Variants in FHIP2A observed in about 807,000 individuals in gnomAD.
FHIP2A encodes family with sequence similarity 160 member B1.
Under a neutral mutation model 93.5 loss-of-function variants are expected in FHIP2A, and 46 were observed. The observed-to-expected ratio is 0.49, with a 90% CI of 0.39 to 0.63. FHIP2A has a LOEUF of 0.63. FHIP2A is among the 20% of genes least tolerant of loss of function. The probability of loss-of-function intolerance (pLI) is 0.00; values close to 1 mark genes in which losing one functional copy is unlikely to be tolerated. For synonymous variants in FHIP2A, 332 were observed against 326.5 expected (o/e 1.02, Z -0.18); for missense variants, 769 against 909.7 (o/e 0.85, Z 1.99).
intron 16 of FHIP2A, among the ~76,000 whole-genome samples, chr10:114,871,338 C>T (rs986090402): frequency 6.6e-6 from 1 of 151,940 alleles, no homozygotes; most frequent in Non-Finnish European, 1.5e-5. Flanking sequence ...TTCTTTAAAT[C>T]CTCCTAGAAC....
At chr10:114,856,532 A>G (rs1194839198) in intron 14 of FHIP2A, among the ~76,000 whole-genome samples, 1 of 152,222 alleles carries the variant, frequency 6.6e-6, no homozygotes, top group Non-Finnish European at 1.5e-5. Context: ...TTGTTGCTTG[A>G]TTAAGCTAAC....
intron 1 of FHIP2A, among the ~76,000 whole-genome samples, chr10:114,823,313 T>G (rs970045678): frequency 6.6e-6 from 1 of 152,174 alleles, no homozygotes; most frequent in African/African-American, 2.4e-5. Context: ...AAACAGGGTT[T>G]CATAAATGTA....
Position 114,861,313 on chromosome 10 carries a change from G to A in FHIP2A, c.2171G>A (p.Gly724Asp), listed in dbSNP as rs775379238. Residue 724 changes from glycine to aspartate, a missense_variant, in exon 16 of 17, where the codon GGT becomes GAT. Physicochemically the swap from Gly to Asp is moderately conservative, Grantham distance 94. Transcript: ENST00000369248. ...KLLLVRKRLL[G>D]LEPEGPIIDH... is the part of the protein sequence containing the mutation. ...CTGTTAGTCAGAAAGCGGTTACTTG[G>A]TTTGGAACCTGAAGGCCCTATGTAA... 2 of 1,614,172 alleles carry A rather than the reference G, an allele frequency of 1.2e-6. No individual in the cohort carries two copies. The highest frequency in any genetic ancestry group is 2.2e-5 in the South Asian group (2 of 91,086).
chr10:114,855,060 C>T (rs2286633), intron 13 of FHIP2A, 137 bp from the exon 14 acceptor site: 29,898 of 794,418 alleles, frequency 0.038, 1,740 homozygotes, highest in African/African-American at 0.2. Context: ...ATCTCTTCCC[C>T]CTCTCCCTTG....
In FHIP2A at chr10:114,836,247, G is replaced by A; in HGVS notation, c.522+1G>A. On this transcript the variant is annotated splice_donor_variant, in intron 5 of 16. Transcript: ENST00000369248. LOFTEE classifies it high-confidence loss of function. The stretch of plus-strand genomic sequence containing the variant: ...CTACCTGGTTAACTTTTTCCTAGAG[G>A]TATGATACACTTTTTATCAACTTTC... The A allele has an allele frequency of 6.3e-7, 1 of 1,577,876 alleles. No individual in the cohort carries two copies. The highest frequency in any genetic ancestry group is 2.3e-5 in the East Asian group (1 of 44,442).
At chr10:114,848,505 C>A in intron 12 of FHIP2A, 142 bp from the exon 13 acceptor site, 1 of 579,390 alleles carries the variant, frequency 1.7e-6, no homozygotes, top group Non-Finnish European at 3.1e-6. Flanking sequence ...GCTGAACTTA[C>A]GATATCACTA....
intron 1 of FHIP2A, among the ~76,000 whole-genome samples, chr10:114,825,048 G>T (rs1444601583): frequency 6.6e-6 from 1 of 152,026 alleles, no homozygotes; most frequent in African/African-American, 2.4e-5. Flanking sequence ...TCGAGACAGG[G>T]TCTCTGTCAC....
intron 14 of FHIP2A, among the ~76,000 whole-genome samples, chr10:114,855,568 A>C (rs575261492): frequency 2.5e-4 from 38 of 152,278 alleles, no homozygotes; most frequent in African/African-American, 9.1e-4. Flanking sequence ...TTTACTTCTC[A>C]TGATAGGCCA....
chr10:114,861,981 CT>C lies in FHIP2A; in HGVS notation c.*446del. The C allele has an allele frequency of 2.0e-6, 2 of 980,424 alleles. No individual in the cohort carries two copies. Among genetic ancestry groups the C allele is most frequent in the Middle Eastern group, 5.3e-4 (1 of 1,902 alleles). 60.7% of individuals were successfully genotyped at this position (980,424 alleles called of 1,614,324 possible). ...CAAAAAAAAATCACTAATTTTATAACTTTTTAAGGTCAGAATTCTTATCAAA... is the reference window on the plus strand; with the variant it reads ...CAAAAAAAAATCACTAATTTTATAACTTTTAAGGTCAGAATTCTTATCAAA... On this transcript the variant is annotated 3_prime_UTR_variant, in exon 17 of 17. Transcript: ENST00000369248.
intron 13 of FHIP2A, among the ~76,000 whole-genome samples, chr10:114,852,715 T>C (rs1003532460): frequency 4.6e-5 from 7 of 152,218 alleles, no homozygotes; most frequent in Non-Finnish European, 8.8e-5. Flanking sequence ...CTCATTGAAG[T>C]GTGGATCTGA....
At chr10:114,830,723 C>A (rs991968242) in intron 1 of FHIP2A, 129 bp from the exon 2 acceptor site, 3 of 487,282 alleles carry the variant, frequency 6.2e-6, no homozygotes, top group Non-Finnish European at 7.3e-6. Flanking sequence ...TAATATCTGA[C>A]ATATAAAAAC....
At chr10:114,855,374 T>G (rs778449071) in intron 14 of FHIP2A, 34 bp downstream of exon 14, 1 of 1,567,710 alleles carries the variant, frequency 6.4e-7, no homozygotes, top group Non-Finnish European at 8.7e-7. Flanking sequence ...TTTCATATTT[T>G]TTTTTGCCAT....
intron 5 of FHIP2A, among the ~76,000 whole-genome samples, chr10:114,838,250 C>T (rs1360566122): frequency 6.6e-6 from 1 of 152,126 alleles, no homozygotes; most frequent in Non-Finnish European, 1.5e-5. Flanking sequence ...TTCTATTTTA[C>T]ATTACTAAGT....
At chr10:114,880,699 A>ACACACACACACACACACACACC (rs2083912690) in intron 16 of FHIP2A, among the ~76,000 whole-genome samples, 1 of 151,918 alleles carries the variant, frequency 6.6e-6, no homozygotes, top group African/African-American at 2.4e-5. Flanking sequence ...ACACACACAC[A>ACACACACACACACACACACACC]CACACACACA....
Position 114,864,030 on chromosome 10 carries a change from A to G in FHIP2A, c.*2490A>G, listed in dbSNP as rs979973771. ...CCTTATAACTATGTAACTTTCTCGT[A>G]ATGTATCTGTTTGTGCAATATGGAA... On this transcript the variant is annotated 3_prime_UTR_variant, in exon 17 of 17. Coordinates refer to ENST00000369248, the MANE Select transcript of FHIP2A (RefSeq NM_020940.4). 1 of 996,344 alleles carries G rather than the reference A, an allele frequency of 1.0e-6. No homozygotes were observed. Among genetic ancestry groups the G allele is most frequent in the African/African-American group, 1.7e-5 (1 of 57,298 alleles). The allele number at this position is 996,344 out of a possible 1,614,324, so 61.7% of individuals were successfully genotyped here.
intron 13 of FHIP2A, among the ~76,000 whole-genome samples, chr10:114,853,266 T>A (rs570203942): frequency 2.0e-5 from 3 of 152,342 alleles, no homozygotes; most frequent in African/African-American, 4.8e-5. Context: ...TTTCAAAATT[T>A]GAAAGAGAAT....
chr10:114,897,103 C>T (rs1309974260), intron 16 of FHIP2A, among the ~76,000 whole-genome samples: 1 of 152,220 alleles, frequency 6.6e-6, no homozygotes, highest in Non-Finnish European at 1.5e-5. Flanking sequence ...TTTGCCCTGG[C>T]ATGCTTATAC....
At position 114,847,892 on chromosome 10, in the gene FHIP2A, G is replaced by A. The variant is rs79201119; in HGVS notation, c.1712+659G>A. Among the ~76,000 whole-genome samples, 1,153 of 152,016 alleles carry A rather than the reference G, an allele frequency of 7.6e-3. 9 individuals are homozygous for A. The highest frequency in any genetic ancestry group is 0.027 in the African/African-American group (1,103 of 41,466). On this transcript the variant is annotated intron_variant, in intron 12 of 16. Transcript: ENST00000369248. The stretch of plus-strand genomic sequence containing the variant: ...CTCCTGAGTAGCTGGGATTACAGTC[G>A]CATGGCTACTACGACTTGACCTCCC...
At position 114,843,021 on chromosome 10, in the gene FHIP2A, C is replaced by G. The variant is rs780790031; in HGVS notation, c.611C>G (p.Thr204Arg). The change falls in exon 6 of 17, where the codon ACA (threonine) becomes AGA (arginine). Residue 204 changes from threonine (T) to arginine (R), a missense_variant. Physicochemically the swap from Thr to Arg is moderately conservative, Grantham distance 71. Coordinates refer to ENST00000369248, the MANE Select transcript of FHIP2A (RefSeq NM_020940.4). Reference sequence around the variant, plus strand: ...GGTCAGGATTCCTTGTCAACAGATACAGGACAGTCCCGTCAACCAGAGGAA... The same window carrying G: ...GGTCAGGATTCCTTGTCAACAGATAGAGGACAGTCCCGTCAACCAGAGGAA... ...LKGQDSLSTD[T>R]GQSRQPEELS... The G allele has an allele frequency of 3.1e-6, 5 of 1,613,722 alleles. No homozygotes were observed. The Admixed American group carries it at 8.3e-5, about 27-fold the overall frequency.
Sources: allele counts gnomAD v4.1 joint callset (sites outside exome capture counted in the v4.1 genomes callset), GRCh38; gene constraint gnomAD v4.1.1; transcripts MANE v1.5; gene names NCBI Gene and HGNC (gene_info 2026-07-23, HGNC 2026-07-21).